Variants in PTK2 observed in about 807,000 individuals in gnomAD.
PTK2 encodes the protein protein tyrosine kinase 2.
In PTK2, 45 loss-of-function variants were observed where a neutral mutation model predicts 150.1. The observed-to-expected ratio is 0.30, with a 90% CI of 0.24 to 0.38. The LOEUF (loss-of-function observed/expected upper bound fraction) is 0.38, where lower values mean the gene tolerates loss of function less well. Among genes scored for constraint, PTK2 ranks in the 10% least tolerant of loss-of-function variants. The probability of loss-of-function intolerance (pLI) is 1.00; values close to 1 mark genes in which losing one functional copy is unlikely to be tolerated. For missense variants in PTK2, 919 were observed against 1,307.3 expected (o/e 0.70, Z 4.58); for synonymous variants, 432 against 449.2 (o/e 0.96, Z 0.48).
At chr8:140,686,683 C>A (rs1224070786) in exon 27 of PTK2, 1 of 1,613,654 alleles carries the variant, frequency 6.2e-7, no homozygotes, top group Non-Finnish European at 8.5e-7. Context: ...GAGAGAGTCT[C>A]ACATCAGGTT....
At chr8:140,785,074 C>G (rs2100084135) in intron 14 of PTK2, among the ~76,000 whole-genome samples, 1 of 152,210 alleles carries the variant, frequency 6.6e-6, no homozygotes, top group Non-Finnish European at 1.5e-5. Context: ...TGGTTATCCT[C>G]TCTACCCCTG....
chr8:140,717,465 TAG>T, intron 23 of PTK2, 131 bp downstream of exon 26: 2 of 665,608 alleles, frequency 3.0e-6, no homozygotes, highest in African/African-American at 1.8e-5. Context: ...AGGAAACAAT[TAG>T]TTGGTGTTAT....
chr8:140,917,285 G>A (rs2100165643), intron 2 of PTK2, among the ~76,000 whole-genome samples: 1 of 151,996 alleles, frequency 6.6e-6, no homozygotes. Flanking sequence ...CAGCTACTTG[G>A]GAGGCTGAGG....
intron 22 of PTK2, chr8:140,732,489 C>T: frequency 2.0e-6 from 1 of 509,032 alleles, no homozygotes; most frequent in South Asian, 1.5e-5. Flanking sequence ...TGTTCTAAGC[C>T]TTGAATTCAG....
At chr8:140,680,615 A>T (rs367799259) in intron 27 of PTK2, among the ~76,000 whole-genome samples, 9 of 152,328 alleles carry the variant, frequency 5.9e-5, no homozygotes, top group African/African-American at 1.9e-4. Context: ...TTATCTAACA[A>T]ATTTCCTATT....
chr8:140,929,132 A>AT (rs1174592848), intron 1 of PTK2, among the ~76,000 whole-genome samples: 9 of 149,120 alleles, frequency 6.0e-5, no homozygotes, highest in Middle Eastern at 3.4e-3. Context: ...CGCCCGGCTA[A>AT]TTTTTTGTAT....
chr8:140,757,329 T>C (rs1186214458), intron 16 of PTK2, among the ~76,000 whole-genome samples: 1 of 152,116 alleles, frequency 6.6e-6, no homozygotes, highest in Admixed American at 6.5e-5. Context: ...CTACTCTACT[T>C]TGCCTCAAAG....
intron 4 of PTK2, among the ~76,000 whole-genome samples, chr8:140,878,930 T>C (rs955918211): frequency 1.3e-5 from 2 of 152,116 alleles, no homozygotes; most frequent in African/African-American, 4.8e-5. Context: ...AATAATTTTA[T>C]TTTCCTTAAC....
Position 141,001,108 on chromosome 8 carries a change from C to A in PTK2, c.-122+17G>T. 1 of 151,628 alleles carries A rather than the reference C, an allele frequency of 6.6e-6. No homozygotes were observed. Among genetic ancestry groups the A allele is most frequent in the South Asian group, 2.0e-4 (1 of 5,076 alleles). The allele number at this position is 151,628 out of a possible 1,614,324, so 9.4% of individuals were successfully genotyped here. A position where few individuals can be genotyped will look rare whatever the true frequency, so the allele number is the denominator to read the frequency against. ...CAGCCCCCGACCCGCGCCCCGCGCC[C>A]GGCGCCCCGCACTCACTCGGACCGC... On this transcript the variant is annotated intron_variant, in intron 1 of 31. Coordinates refer to ENST00000522684, the Ensembl canonical transcript of PTK2.
chr8:140,936,081 CAGG>C (rs1033300229), intron 1 of PTK2, among the ~76,000 whole-genome samples: 20 of 152,228 alleles, frequency 1.3e-4, no homozygotes, highest in African/African-American at 4.6e-4. Flanking sequence ...GAGGCTGAGA[CAGG>C]AGGATTGCTT....
intron 1 of PTK2, among the ~76,000 whole-genome samples, chr8:141,000,027 A>G (rs2100199385): frequency 6.6e-6 from 1 of 151,096 alleles, no homozygotes; most frequent in Admixed American, 6.6e-5. Flanking sequence ...AAAAAAAAAA[A>G]AAAGAAACTT....
chr8:140,966,194 T>C (rs537283969), intron 1 of PTK2, among the ~76,000 whole-genome samples: 30 of 152,188 alleles, frequency 2.0e-4, no homozygotes, highest in Non-Finnish European at 3.7e-4. Context: ...CACCATTGTA[T>C]ACCCAACAGT....
intron 1 of PTK2, among the ~76,000 whole-genome samples, chr8:140,989,619 G>T (rs1323784240): frequency 2.6e-5 from 4 of 151,700 alleles, no homozygotes; most frequent in African/African-American, 9.7e-5. Flanking sequence ...TTTAAAAAGT[G>T]CAACCTCGGC....
At chr8:140,913,364 T>G (rs1261756227) in intron 2 of PTK2, among the ~76,000 whole-genome samples, 1 of 151,816 alleles carries the variant, frequency 6.6e-6, no homozygotes, top group Non-Finnish European at 1.5e-5. Flanking sequence ...GGTGCAATCT[T>G]TGCTCATTGC....
At chr8:140,723,111 T>A (rs186436857) in intron 22 of PTK2, among the ~76,000 whole-genome samples, 1 of 152,168 alleles carries the variant, frequency 6.6e-6, no homozygotes, top group Non-Finnish European at 1.5e-5. Flanking sequence ...ACTTCCCCTA[T>A]TCTCTGACCC....
At chr8:140,838,306 C>T (rs1280367615) in intron 7 of PTK2, among the ~76,000 whole-genome samples, 1 of 152,064 alleles carries the variant, frequency 6.6e-6, no homozygotes, top group Non-Finnish European at 1.5e-5. Flanking sequence ...AGTTACTAGC[C>T]AAAACCAATA....
chr8:140,800,891 G>A (rs2100094648), intron 11 of PTK2, among the ~76,000 whole-genome samples: 1 of 152,138 alleles, frequency 6.6e-6, no homozygotes, highest in Admixed American at 6.5e-5. Context: ...GTTAAGGGAA[G>A]AATTTAGACA....
intron 1 of PTK2, 50 bp from the exon 2 acceptor site, chr8:140,925,799 T>C (rs2100169217): frequency 3.8e-6 from 1 of 265,890 alleles, no homozygotes; most frequent in Admixed American, 6.5e-5. Context: ...AGTTTCTTCA[T>C]CAGCAAAATG....
At chr8:140,685,155 A>G (rs1416022964) in intron 27 of PTK2, among the ~76,000 whole-genome samples, 6 of 152,174 alleles carry the variant, frequency 3.9e-5, no homozygotes, top group African/African-American at 1.4e-4. Context: ...AGGACTCCCT[A>G]TTCAATAAAT....
Sources: allele counts gnomAD v4.1 joint callset (sites outside exome capture counted in the v4.1 genomes callset), GRCh38; gene constraint gnomAD v4.1.1; transcripts MANE v1.5; gene names NCBI Gene and HGNC (gene_info 2026-07-23, HGNC 2026-07-21).